The following TJP1 variants were observed in gnomAD, a reference collection of about 807,000 sequenced individuals.
TJP1 encodes the protein tight junction protein ZO-1.
In TJP1, 43 loss-of-function variants were observed where a neutral mutation model predicts 194.2. The ratio of observed to expected loss-of-function variants is 0.22; its 90% CI spans 0.17 to 0.29. TJP1 has a LOEUF of 0.29. Among genes scored for constraint, TJP1 ranks in the 10% least tolerant of loss-of-function variants. The pLI is 1.00. For missense variants in TJP1, 1,971 were observed against 2,185.7 expected (o/e 0.90, Z 1.96); for synonymous variants, 801 against 779.0 (o/e 1.03, Z -0.47).
intron 1 of TJP1, among the ~76,000 whole-genome samples, chr15:29,805,916 T>G (rs970348845): frequency 2.6e-5 from 4 of 152,156 alleles, no homozygotes; most frequent in African/African-American, 9.7e-5. Flanking sequence ...GATTGTGTGA[T>G]GCTACACATG....
rs144065571 is a variant in TJP1, at chr15:29,813,195, A to T, written c.27+8807T>A. 7.0e-4 allele frequency among the ~76,000 whole-genome samples: 107 copies of T among 152,282 alleles called. 5 individuals are homozygous for T. Among genetic ancestry groups the T allele is most frequent in the African/African-American group, 2.5e-3 (105 of 41,572 alleles). ...AAAACATACTTCAATACTTACTACT[A>T]AAACATACTTTAGTATGACAAACAT... On this transcript the variant is annotated intron_variant, in intron 1 of 27. Coordinates refer to ENST00000614355, the MANE Select transcript of TJP1 (RefSeq NM_001330239.4).
chr15:29,965,029 G>A (rs145949058), intron 1 of TJP1, among the ~76,000 whole-genome samples: 24 of 152,266 alleles, frequency 1.6e-4, no homozygotes, highest in Admixed American at 1.4e-3. Context: ...ATGCCCAAGC[G>A]AGATGGAAGT....
intron 2 of TJP1, among the ~76,000 whole-genome samples, chr15:29,832,898 G>A (rs973378450): frequency 1.3e-5 from 2 of 152,160 alleles, no homozygotes; most frequent in African/African-American, 4.8e-5. Flanking sequence ...AACCCAAGTG[G>A]CCAGTGTGTG....
At chr15:29,915,608 T>G (rs1372663815) in intron 2 of TJP1, among the ~76,000 whole-genome samples, 1 of 152,202 alleles carries the variant, frequency 6.6e-6, no homozygotes, top group African/African-American at 2.4e-5. Context: ...TTGCCAAATC[T>G]TCCTTCAGTT....
At chr15:29,879,698 C>G (rs906467903) in intron 2 of TJP1, among the ~76,000 whole-genome samples, 1 of 145,806 alleles carries the variant, frequency 6.9e-6, no homozygotes, top group Admixed American at 6.9e-5. Context: ...TCGCATATAG[C>G]TTAGACTCTC....
At chr15:29,736,935 G>C (rs2044073078) in intron 11 of TJP1, among the ~76,000 whole-genome samples, 2 of 152,222 alleles carry the variant, frequency 1.3e-5, no homozygotes, top group Non-Finnish European at 1.5e-5. Context: ...TGAATGTTTA[G>C]TTGAACTTCC....
chr15:29,743,570 T>A (rs947908096), intron 8 of TJP1, among the ~76,000 whole-genome samples: 4 of 151,992 alleles, frequency 2.6e-5, no homozygotes, highest in African/African-American at 9.7e-5. Context: ...GTAAAAAAAA[T>A]TTAAAATTTA....
intron 15 of TJP1, chr15:29,728,363 T>C (rs1310516400): frequency 4.8e-6 from 1 of 209,390 alleles, no homozygotes; most frequent in Non-Finnish European, 9.7e-6. Flanking sequence ...GAAAATATTA[T>C]TTGTATGGCA....
intron 1 of TJP1, chr15:29,968,232 G>A (rs187590272): frequency 7.1e-6 from 7 of 985,262 alleles, no homozygotes; most frequent in East Asian, 1.1e-4. Flanking sequence ...AGCAGCAGAC[G>A]AATTTTTGGA....
chr15:29,854,781 A>C (rs1200941262), intron 2 of TJP1, among the ~76,000 whole-genome samples: 1 of 152,212 alleles, frequency 6.6e-6, no homozygotes, highest in African/African-American at 2.4e-5. Flanking sequence ...ACTACTTTAA[A>C]AACTCAAGAC....
At chr15:29,967,456 T>C (rs181714852) in intron 1 of TJP1, among the ~76,000 whole-genome samples, 1 of 152,282 alleles carries the variant, frequency 6.6e-6, no homozygotes, top group African/African-American at 2.4e-5. Flanking sequence ...GGTAGACACC[T>C]TTGTATTCAT....
At chr15:29,871,722 T>C (rs558327537) in intron 2 of TJP1, among the ~76,000 whole-genome samples, 9 of 152,222 alleles carry the variant, frequency 5.9e-5, no homozygotes, top group Non-Finnish European at 8.8e-5. Flanking sequence ...GTCATCGGAC[T>C]GCAGCCCCAA....
intron 2 of TJP1, among the ~76,000 whole-genome samples, chr15:29,856,811 C>T (rs2051871966): frequency 6.6e-6 from 1 of 151,152 alleles, no homozygotes; most frequent in South Asian, 2.1e-4. Flanking sequence ...GTCTCTATGA[C>T]TGTGCCACTG....
rs762513235 is a variant in TJP1 at position 29,718,376 on chromosome 15, C to T, written c.3766G>A (p.Asp1256Asn). 4.6e-5 allele frequency: 74 copies of T among 1,614,024 alleles called. No individual in the cohort carries two copies. The highest frequency in any genetic ancestry group is 5.9e-6 in the Non-Finnish European group (7 of 1,180,048). Residue 1256 changes from aspartate to asparagine, a missense_variant, in exon 21 of 28, where the codon GAT becomes AAT. By Grantham distance (23) the Asp-to-Asn change is conservative. Coordinates refer to ENST00000614355, the MANE Select transcript of TJP1 (RefSeq NM_001330239.4). Reference sequence around the variant, plus strand: ...ACAGACTGTGGCTTCATTGCTGGATCTTCCTCTTCTTCGGTTTGAGTTGGG... The same window carrying T: ...ACAGACTGTGGCTTCATTGCTGGATTTTCCTCTTCTTCGGTTTGAGTTGGG... ...PPPTQTEEEEDPAMKPQSVLT... is the reference protein window; with the variant it reads ...PPPTQTEEEENPAMKPQSVLT...
chr15:29,926,296 C>G (rs533045760), intron 2 of TJP1, among the ~76,000 whole-genome samples: 2 of 152,118 alleles, frequency 1.3e-5, no homozygotes, highest in African/African-American at 2.4e-5. Context: ...ACCACATGAA[C>G]CTATCAAATA....
chr15:29,783,491 AT>A (rs1412036484), intron 2 of TJP1, among the ~76,000 whole-genome samples: 2 of 152,222 alleles, frequency 1.3e-5, no homozygotes, highest in Non-Finnish European at 2.9e-5. Context: ...CCAAAGGAAT[AT>A]AAATCATTCT....
intron 2 of TJP1, among the ~76,000 whole-genome samples, chr15:29,952,198 A>C (rs950986161): frequency 6.6e-6 from 1 of 152,208 alleles, no homozygotes; most frequent in African/African-American, 2.4e-5. Context: ...TACTCATTAC[A>C]ACATTGAAGA....
intron 2 of TJP1, among the ~76,000 whole-genome samples, chr15:29,908,048 C>CAAGAAAAAAAAAAAAAAAAAA (rs2053877648): frequency 5.1e-5 from 1 of 19,522 alleles, no homozygotes; most frequent in Non-Finnish European, 9.8e-5. Flanking sequence ...CCTTATAAAG[C>CAAGAAAAAAAAAAAAAAAAAA]AAAAAAAAAA....
chr15:29,827,568 CTG>C (rs1424817575), intron 2 of TJP1, among the ~76,000 whole-genome samples: 2 of 152,230 alleles, frequency 1.3e-5, no homozygotes, highest in African/African-American at 4.8e-5. Flanking sequence ...AGAATATAAA[CTG>C]TGTAATTTCA....
Sources: allele counts gnomAD v4.1 joint callset (sites outside exome capture counted in the v4.1 genomes callset), GRCh38; gene constraint gnomAD v4.1.1; transcripts MANE v1.5; gene names NCBI Gene and HGNC (gene_info 2026-07-23, HGNC 2026-07-21).